The following RMND1 variants were observed in gnomAD, a reference collection of about 807,000 sequenced individuals.
The protein encoded by RMND1 is required for meiotic nuclear division protein 1 homolog.
RMND1 carries 41 observed loss-of-function variants against 54.0 expected under a neutral mutation model. The observed-to-expected ratio is 0.76, with a 90% CI of 0.59 to 0.98. RMND1 has a LOEUF of 0.98. Ranked by LOEUF, RMND1 falls within the 50% of genes least tolerant of loss-of-function variation. The pLI is 0.00. For synonymous variants in RMND1, 183 were observed against 181.7 expected (o/e 1.01, Z -0.06); for missense variants, 457 against 532.0 (o/e 0.86, Z 1.39).
At position 151,430,122 on chromosome 6, in the gene RMND1, T is replaced by G; in HGVS notation, c.729+16A>C. The G allele has an allele frequency of 6.4e-7, 1 of 1,561,186 alleles. No individual in the cohort carries two copies. Among genetic ancestry groups the G allele is most frequent in the Non-Finnish European group, 8.8e-7 (1 of 1,137,190 alleles). On this transcript the variant is annotated intron_variant, in intron 5 of 11. Transcript: ENST00000444024. ...AAACTAAATTTTTATATTTTCACAT[T>G]TTTATTTACACTTACAGTTTTGTCT...
intron 6 of RMND1, among the ~76,000 whole-genome samples, chr6:151,427,224 A>G (rs573023555): frequency 1.3e-5 from 2 of 152,132 alleles, no homozygotes; most frequent in East Asian, 3.9e-4. Context: ...AAAATACAAA[A>G]AATTAGCTGG....
intron 2 of RMND1, among the ~76,000 whole-genome samples, chr6:151,442,033 C>G (rs1780790065): frequency 6.6e-6 from 1 of 152,086 alleles, no homozygotes; most frequent in Non-Finnish European, 1.5e-5. Context: ...TTGTTAGTGT[C>G]TGGAGAATTG....
At chr6:151,421,116 T>A in intron 9 of RMND1, 129 bp downstream of exon 9, 2 of 675,526 alleles carry the variant, frequency 3.0e-6, no homozygotes, top group South Asian at 4.0e-5. Flanking sequence ...CTGCTTATAA[T>A]CAATGAAATG....
At chr6:151,437,935 T>C (rs1404301475) in intron 2 of RMND1, among the ~76,000 whole-genome samples, 3 of 152,018 alleles carry the variant, frequency 2.0e-5, no homozygotes, top group Admixed American at 2.0e-4. Flanking sequence ...CTAATCCAAT[T>C]AGAAAAAAAG....
intron 2 of RMND1, among the ~76,000 whole-genome samples, chr6:151,438,641 C>T (rs182515484): frequency 2.4e-4 from 37 of 152,168 alleles, no homozygotes; most frequent in Non-Finnish European, 4.9e-4. Context: ...ATCATCTGAC[C>T]GAGTGGAAGA....
chr6:151,418,869 C>T (rs950178267), intron 9 of RMND1, among the ~76,000 whole-genome samples: 7 of 151,296 alleles, frequency 4.6e-5, no homozygotes, highest in African/African-American at 1.7e-4. Context: ...CTCTTGGGTT[C>T]AAGCAATTCT....
Position 151,424,853 on chromosome 6 carries a change from G to A in RMND1, c.831-1222C>T, listed in dbSNP as rs143604136. On this transcript the variant is annotated intron_variant, in intron 6 of 11. Coordinates refer to ENST00000444024, the MANE Select transcript of RMND1 (RefSeq NM_017909.4). ...CAAAAGATGTCAGACAAGAAGTGACGGCCAAAGGGAGGGGGACAAGGGGCC... is the reference window on the plus strand; with the variant it reads ...CAAAAGATGTCAGACAAGAAGTGACAGCCAAAGGGAGGGGGACAAGGGGCC... Among the ~76,000 whole-genome samples, 422 of 151,216 alleles carry A rather than the reference G, an allele frequency of 2.8e-3. 2 individuals carry two copies. Among genetic ancestry groups the A allele is most frequent in the African/African-American group, 0.01 (409 of 40,796 alleles).
At position 151,405,841 on chromosome 6, in the gene RMND1, G is replaced by A. The variant is rs778711921; in HGVS notation, c.1201-5C>T. 1 of 1,519,354 alleles carries A rather than the reference G, an allele frequency of 6.6e-7. No homozygotes were observed. Among genetic ancestry groups the A allele is most frequent in the East Asian group, 2.3e-5 (1 of 44,422 alleles). The allele number at this position is 1,519,354 out of a possible 1,614,324, so 94.1% of individuals were successfully genotyped here. ...CTGAAGTTTTTCATTCATGACCTAT[G>A]TAAGAAAAATTTCAGTAACATGTAT... On this transcript the variant is annotated splice_region_variant and splice_polypyrimidine_tract_variant and intron_variant, in intron 10 of 11. Coordinates refer to ENST00000444024, the MANE Select transcript of RMND1 (RefSeq NM_017909.4).
At position 151,436,545 on chromosome 6, in the gene RMND1, G is replaced by C. The variant is rs1041192620; in HGVS notation, c.514C>G (p.His172Asp). 1 of 1,613,824 alleles carries C rather than the reference G, an allele frequency of 6.2e-7. No homozygotes were observed. The highest frequency in any genetic ancestry group is 2.2e-5 in the East Asian group (1 of 44,888). ...TCTGCCGTTGCAAATGCTGTGCAGTGCATTAGGTCCTGTTCCAGGGAAATG... is the reference window on the plus strand; with the variant it reads ...TCTGCCGTTGCAAATGCTGTGCAGTCCATTAGGTCCTGTTCCAGGGAAATG... ...PVLSVNEDLMHCTAFATADEY... is the reference protein window; with the variant it reads ...PVLSVNEDLMDCTAFATADEY... Residue 172 changes from histidine (H) to aspartate (D), a missense_variant, in exon 3 of 12, where the codon CAC becomes GAC. His to Asp is a moderately conservative substitution (Grantham distance 81). Coordinates refer to ENST00000444024, the MANE Select transcript of RMND1 (RefSeq NM_017909.4).
rs760334999 is a variant in RMND1 at position 151,433,113 on chromosome 6, C to T, written c.689+42G>A. 18 of 1,319,468 alleles carry T rather than the reference C, an allele frequency of 1.4e-5. No homozygotes were observed. The South Asian group carries it at 2.0e-4, about 14-fold the overall frequency. The allele number at this position is 1,319,468 out of a possible 1,614,324, so 81.7% of individuals were successfully genotyped here. On this transcript the variant is annotated intron_variant, in intron 4 of 11. Transcript: ENST00000444024. ...CCTTTAAAGACCACAATTACTTGAC[C>T]CAAACCCATCATCACCTAATGGGGT...
Position 151,423,513 on chromosome 6 carries a change from G to GT in RMND1, c.937+11dup. On this transcript the variant is annotated intron_variant, in intron 7 of 11. Transcript: ENST00000444024. ...ACTGTAGTACCCTATCCCATAAGCA[G>GT]TAGTAACTTACCAGAAAGGCATAGA... 6.5e-7 allele frequency: 1 copy of GT among 1,530,448 alleles called. No individual in the cohort carries two copies. The highest frequency in any genetic ancestry group is 1.1e-5 in the South Asian group (1 of 89,478). The allele number at this position is 1,530,448 out of a possible 1,614,324, so 94.8% of individuals were successfully genotyped here. A position where few individuals can be genotyped will look rare whatever the true frequency, so the allele number is the denominator to read the frequency against.
intron 9 of RMND1, among the ~76,000 whole-genome samples, chr6:151,419,606 C>G (rs1038047925): frequency 6.9e-6 from 1 of 145,184 alleles, no homozygotes; most frequent in Non-Finnish European, 1.5e-5. Context: ...CCCAGGAGAT[C>G]AAGGCTTTGG....
intron 3 of RMND1, chr6:151,436,166 CTTAATGTG>C: frequency 7.5e-6 from 2 of 268,104 alleles, no homozygotes; most frequent in Non-Finnish European, 1.5e-5. Context: ...AAAATAACTT[CTTAATGTG>C]CTAGAAATGA....
intron 10 of RMND1, among the ~76,000 whole-genome samples, chr6:151,409,076 G>A (rs1779720477): frequency 6.6e-6 from 1 of 152,330 alleles, no homozygotes; most frequent in Non-Finnish European, 1.5e-5. Context: ...TGGTGAAATA[G>A]ACATGTGTCT....
At chr6:151,435,744 T>C (rs17686786) in intron 3 of RMND1, among the ~76,000 whole-genome samples, 4,303 of 151,668 alleles carry the variant, frequency 0.028, 75 homozygotes, top group Middle Eastern at 0.051. Flanking sequence ...AAGTATTAGA[T>C]TGAGCTGGTA....
At chr6:151,423,866 T>C in intron 6 of RMND1, among the ~76,000 whole-genome samples, 1 of 151,700 alleles carries the variant, frequency 6.6e-6, no homozygotes, top group East Asian at 1.9e-4. Flanking sequence ...TTTTTTTTTT[T>C]TGAGACAGTC....
chr6:151,417,811 A>ATT (rs764636849), intron 9 of RMND1, among the ~76,000 whole-genome samples: 7 of 142,540 alleles, frequency 4.9e-5, no homozygotes, highest in East Asian at 2.0e-4. Flanking sequence ...TTTGTTTTCA[A>ATT]TTTTTTTTTT....
chr6:151,442,829 T>TG (rs941022059), intron 2 of RMND1, among the ~76,000 whole-genome samples: 1 of 151,884 alleles, frequency 6.6e-6, no homozygotes, highest in Non-Finnish European at 1.5e-5. Context: ...CATAAGCCAC[T>TG]GGATCCACTA....
intron 2 of RMND1, among the ~76,000 whole-genome samples, chr6:151,441,281 T>C (rs1010489161): frequency 6.6e-6 from 1 of 152,230 alleles, no homozygotes; most frequent in Non-Finnish European, 1.5e-5. Context: ...AGTGATATAA[T>C]ACATTTACAT....
Sources: gnomAD v4.1 joint callset for allele counts (sites outside exome capture counted in the v4.1 genomes callset) on GRCh38, gnomAD v4.1.1 for gene constraint, MANE v1.5 for transcripts, NCBI Gene and HGNC (gene_info 2026-07-23, HGNC 2026-07-21) for gene names.